ADGRE1: variants seen among roughly 807,000 people sequenced by gnomAD.
ADGRE1 encodes adhesion G protein-coupled receptor E1.
In ADGRE1, 82 loss-of-function variants were observed where a neutral mutation model predicts 102.7. That is an observed-to-expected ratio of 0.80 (90% CI 0.67 to 0.96). ADGRE1 has a LOEUF of 0.96. Among genes scored for constraint, ADGRE1 ranks in the 40% least tolerant of loss-of-function variants. The pLI, the probability that ADGRE1 is intolerant of heterozygous loss-of-function variation, is 0.00. For synonymous variants in ADGRE1, 398 were observed against 399.6 expected (o/e 1.00, Z 0.05); for missense variants, 1,032 against 1,085.3 (o/e 0.95, Z 0.69).
intron 18 of ADGRE1, among the ~76,000 whole-genome samples, chr19:6,937,001 G>C (rs936845933): frequency 1.3e-5 from 2 of 151,762 alleles, no homozygotes; most frequent in Non-Finnish European, 2.9e-5. Context: ...CAGGTGACCT[G>C]CCCACCTCGG....
chr19:6,914,268 C>T (rs1974299557), intron 11 of ADGRE1, among the ~76,000 whole-genome samples: 1 of 152,168 alleles, frequency 6.6e-6, no homozygotes, highest in African/African-American at 2.4e-5. Context: ...TCCCTCTGCC[C>T]ATATGAATAA....
At chr19:6,924,989 G>A in intron 15 of ADGRE1, 117 bp downstream of exon 15, 1 of 1,045,928 alleles carries the variant, frequency 9.6e-7, no homozygotes, top group Admixed American at 2.3e-5. Flanking sequence ...TGCATATGCT[G>A]TGCCCTCTGC....
intron 14 of ADGRE1, among the ~76,000 whole-genome samples, chr19:6,922,970 G>A (rs1194969694): frequency 2.0e-5 from 3 of 152,134 alleles, no homozygotes; most frequent in Non-Finnish European, 4.4e-5. Flanking sequence ...CAAGCTACTC[G>A]GGAGGCTGAG....
chr19:6,899,856 G>T (rs916985671), intron 5 of ADGRE1, among the ~76,000 whole-genome samples: 19 of 151,932 alleles, frequency 1.3e-4, no homozygotes, highest in African/African-American at 4.6e-4. Flanking sequence ...ACTTTGGGAG[G>T]CCAAGGCAGG....
In ADGRE1 at chr19:6,924,130, A is replaced by G. The variant is rs112723409; in HGVS notation, c.1792-548A>G. Reference sequence around the variant, plus strand: ...TAACACAGGGAATTGGGTGCTCACAAAAATCTCTGGGAGGGGATGGAGGAG... The same window carrying G: ...TAACACAGGGAATTGGGTGCTCACAGAAATCTCTGGGAGGGGATGGAGGAG... On this transcript the variant is annotated intron_variant, in intron 14 of 20. Transcript: ENST00000312053. Among the ~76,000 whole-genome samples, 254 of 151,548 alleles carry G rather than the reference A, an allele frequency of 1.7e-3. 2 individuals carry two copies. The highest frequency in any genetic ancestry group is 5.9e-3 in the African/African-American group (245 of 41,298).
rs141863647 is a variant in ADGRE1 at position 6,922,676 on chromosome 19, G to A, written c.1791+793G>A. 3.4e-4 allele frequency among the ~76,000 whole-genome samples: 52 copies of A among 150,966 alleles called. 1 individual carries two copies. In the East Asian group the frequency reaches 7.0e-3, roughly 20 times the overall value. ...CACACACAAACAAAAAGAATTCTGA[G>A]GTGTTTCCAAGAGAGCCGATGATAG... On this transcript the variant is annotated intron_variant, in intron 14 of 20. Transcript: ENST00000312053.
At chr19:6,892,679 T>C (rs1973423418) in intron 2 of ADGRE1, among the ~76,000 whole-genome samples, 1 of 152,196 alleles carries the variant, frequency 6.6e-6, no homozygotes, top group South Asian at 2.1e-4. Flanking sequence ...CCAACTCCAC[T>C]ATTCACAATA....
chr19:6,905,391 C>T (rs895410265), intron 8 of ADGRE1, among the ~76,000 whole-genome samples: 14 of 146,586 alleles, frequency 9.6e-5, no homozygotes, highest in African/African-American at 3.3e-4. Flanking sequence ...CTCACTCTGT[C>T]GCCCAGACTG....
intron 15 of ADGRE1, among the ~76,000 whole-genome samples, chr19:6,925,810 G>A (rs111471557): frequency 4.0e-5 from 6 of 151,836 alleles, no homozygotes; most frequent in South Asian, 2.1e-4. Flanking sequence ...ATCCTCCCAC[G>A]TTTGCCTCCC....
intron 11 of ADGRE1, among the ~76,000 whole-genome samples, chr19:6,914,341 T>C (rs1245938962): frequency 6.6e-6 from 1 of 152,214 alleles, no homozygotes; most frequent in African/African-American, 2.4e-5. Context: ...ATATAGAACA[T>C]GGCCTCAAGT....
intron 6 of ADGRE1, among the ~76,000 whole-genome samples, chr19:6,903,485 T>C (rs1052236231): frequency 1.3e-5 from 2 of 152,056 alleles, no homozygotes; most frequent in Non-Finnish European, 2.9e-5. Flanking sequence ...GATAAAGGAG[T>C]TCAATCTCTC....
intron 20 of ADGRE1, among the ~76,000 whole-genome samples, chr19:6,938,682 T>C (rs571391490): frequency 6.6e-6 from 1 of 152,028 alleles, no homozygotes; most frequent in Non-Finnish European, 1.5e-5. Flanking sequence ...CAGTATGCAA[T>C]GGGGTTGGAA....
chr19:6,919,749 T>C lies in ADGRE1; in HGVS notation c.1620+2T>C. The C allele has an allele frequency of 5.0e-6, 8 of 1,613,088 alleles. No individual in the cohort carries two copies. The highest frequency in any genetic ancestry group is 2.7e-5 in the African/African-American group (2 of 74,916). ...ATCTACACTCTGGAGAACATTCAGG[T>C]TTGTGAAGAGGTCTCTACTGAGATT... On this transcript the variant is annotated splice_donor_variant, in intron 13 of 20. Coordinates refer to ENST00000312053, the MANE Select transcript of ADGRE1 (RefSeq NM_001974.5). LOFTEE classifies it high-confidence loss of function.
intron 12 of ADGRE1, among the ~76,000 whole-genome samples, chr19:6,918,164 G>C (rs1369595930): frequency 6.6e-6 from 1 of 152,214 alleles, no homozygotes; most frequent in African/African-American, 2.4e-5. Context: ...AGAGAGCCAG[G>C]CATGGTGGCT....
At chr19:6,926,682 C>A in intron 16 of ADGRE1, 81 bp downstream of exon 16, 1 of 1,403,218 alleles carries the variant, frequency 7.1e-7, no homozygotes, top group Non-Finnish European at 1.0e-6. Context: ...AGAAGAGTAA[C>A]AACAGTAGCA....
intron 10 of ADGRE1, among the ~76,000 whole-genome samples, chr19:6,909,839 A>G (rs967212483): frequency 1.3e-5 from 2 of 152,068 alleles, no homozygotes; most frequent in African/African-American, 4.8e-5. Flanking sequence ...GGTTCAAGCG[A>G]TTCTCCTGCC....
Position 6,937,633 on chromosome 19 carries a change from A to G in ADGRE1, c.2640A>G (p.Pro880=), listed in dbSNP as rs1470719355. Residue 880 remains proline, a synonymous_variant, in exon 20 of 21, where the codon CCA becomes CCG. Transcript: ENST00000312053. ...QTSRILLSSM[P]SASKTG Reference sequence around the variant, plus strand: ...CAAGGATCTTGCTGTCCTCCATGCCATCCGCTTCCAAGACGGTGAGAGACT... The same window carrying G: ...CAAGGATCTTGCTGTCCTCCATGCCGTCCGCTTCCAAGACGGTGAGAGACT... 3 of 1,613,932 alleles carry G rather than the reference A, an allele frequency of 1.9e-6. No homozygotes were observed. Among genetic ancestry groups the G allele is most frequent in the Non-Finnish European group, 2.5e-6 (3 of 1,180,000 alleles).
At chr19:6,922,573 C>T (rs1201757526) in intron 14 of ADGRE1, among the ~76,000 whole-genome samples, 1 of 150,998 alleles carries the variant, frequency 6.6e-6, no homozygotes, top group Non-Finnish European at 1.5e-5. Context: ...TGAGATGGCA[C>T]CACTGCATTC....
At chr19:6,888,701 T>C (rs1973233993) in intron 1 of ADGRE1, among the ~76,000 whole-genome samples, 1 of 152,242 alleles carries the variant, frequency 6.6e-6, no homozygotes, top group South Asian at 2.1e-4. Context: ...AACAGCATGC[T>C]GAATTACCTC....
Sources: gnomAD v4.1 joint callset for allele counts (sites outside exome capture counted in the v4.1 genomes callset) on GRCh38, gnomAD v4.1.1 for gene constraint, MANE v1.5 for transcripts, NCBI Gene and HGNC (gene_info 2026-07-23, HGNC 2026-07-21) for gene names.